The following GNAQ variants were observed in gnomAD, a reference collection of about 807,000 sequenced individuals.
GNAQ encodes the protein G protein subunit alpha q.
Under a neutral mutation model 43.9 loss-of-function variants are expected in GNAQ, and 8 were observed. That is an observed-to-expected ratio of 0.18 (90% CI 0.11 to 0.33). The LOEUF is 0.33. Among genes scored for constraint, GNAQ ranks in the 10% least tolerant of loss-of-function variants. The probability of loss-of-function intolerance (pLI) is 1.00; values close to 1 mark genes in which losing one functional copy is unlikely to be tolerated. For synonymous variants in GNAQ, 155 were observed against 170.7 expected, an observed-to-expected ratio of 0.91 and a Z score of 0.71; for missense variants, 158 against 450.8, an observed-to-expected ratio of 0.35 and a Z score of 5.88.
chr9:77,774,489 T>G (rs922658003), intron 5 of GNAQ, among the ~76,000 whole-genome samples: 4 of 152,196 alleles, frequency 2.6e-5, no homozygotes, highest in African/African-American at 9.7e-5. Flanking sequence ...AGAGACAGGT[T>G]CTTGCTCTGT....
chr9:77,831,448 T>C lies in GNAQ; in HGVS notation c.322-15678A>G, dbSNP rs148634843. On this transcript the variant is annotated intron_variant, in intron 2 of 6. Coordinates refer to ENST00000286548, the MANE Select transcript of GNAQ (RefSeq NM_002072.5). ...CAATTTAAAACCATCATTCATATCA[T>C]TGATAATGTGTTCTAGTATCTACGA... 4.1e-3 allele frequency among the ~76,000 whole-genome samples: 622 copies of C among 152,312 alleles called. 1 individual carries two copies. The highest frequency in any genetic ancestry group is 6.1e-3 in the Non-Finnish European group (413 of 68,020).
intron 4 of GNAQ, among the ~76,000 whole-genome samples, chr9:77,795,923 T>C (rs1278861906): frequency 6.6e-6 from 1 of 152,200 alleles, no homozygotes; most frequent in Non-Finnish European, 1.5e-5. Flanking sequence ...AAACAACATG[T>C]AATTGTAATC....
chr9:77,788,797 T>C (rs1440841265), intron 5 of GNAQ, among the ~76,000 whole-genome samples: 1 of 152,198 alleles, frequency 6.6e-6, no homozygotes, highest in Non-Finnish European at 1.5e-5. Context: ...TATAAGCCTA[T>C]CACACGCTTT....
intron 5 of GNAQ, among the ~76,000 whole-genome samples, chr9:77,792,094 TACAG>T (rs1826584195): frequency 6.6e-6 from 1 of 152,116 alleles, no homozygotes; most frequent in Non-Finnish European, 1.5e-5. Context: ...ACTTCCTAAT[TACAG>T]ACAGTGATAG....
At chr9:77,887,630 C>T (rs1828331227) in intron 2 of GNAQ, among the ~76,000 whole-genome samples, 1 of 152,146 alleles carries the variant, frequency 6.6e-6, no homozygotes, top group Admixed American at 6.5e-5. Flanking sequence ...GCAGTGCCTG[C>T]TTGTGATTCA....
At chr9:77,737,415 G>C (rs1439277026) in intron 5 of GNAQ, among the ~76,000 whole-genome samples, 1 of 152,220 alleles carries the variant, frequency 6.6e-6, no homozygotes, top group African/African-American at 2.4e-5. Context: ...TGGTGTAACA[G>C]GCATTCCTTC....
chr9:77,725,091 T>C (rs1825377788), intron 6 of GNAQ, among the ~76,000 whole-genome samples: 1 of 152,072 alleles, frequency 6.6e-6, no homozygotes. Flanking sequence ...CTTTTTTTTT[T>C]CTTTTTTATT....
intron 5 of GNAQ, among the ~76,000 whole-genome samples, chr9:77,732,114 T>C (rs918875731): frequency 1.3e-5 from 2 of 151,966 alleles, no homozygotes; most frequent in African/African-American, 4.8e-5. Context: ...TCAGTAAAAA[T>C]TGAAATCTAT....
intron 2 of GNAQ, among the ~76,000 whole-genome samples, chr9:77,898,446 T>C (rs538622570): frequency 1.3e-5 from 2 of 152,354 alleles, no homozygotes; most frequent in South Asian, 4.1e-4. Flanking sequence ...ACTGTAACAC[T>C]TACTGCACTG....
At chr9:77,838,726 T>A (rs1827435778) in intron 2 of GNAQ, among the ~76,000 whole-genome samples, 1 of 152,130 alleles carries the variant, frequency 6.6e-6, no homozygotes, top group Non-Finnish European at 1.5e-5. Flanking sequence ...CCACAAGAAT[T>A]TTTAAATTGA....
chr9:77,722,377 T>G (rs1490430264), intron 6 of GNAQ, among the ~76,000 whole-genome samples: 3 of 152,128 alleles, frequency 2.0e-5, no homozygotes, highest in Non-Finnish European at 4.4e-5. Context: ...TCTCAGGTGA[T>G]CCACCCGCCT....
intron 2 of GNAQ, among the ~76,000 whole-genome samples, chr9:77,821,731 G>A (rs1489652843): frequency 2.7e-5 from 4 of 146,802 alleles, no homozygotes; most frequent in African/African-American, 1.1e-4. Flanking sequence ...ATGGGTGTGT[G>A]TGTGTGTGTG....
chr9:77,890,283 A>C (rs1376202233), intron 2 of GNAQ, among the ~76,000 whole-genome samples: 1 of 152,238 alleles, frequency 6.6e-6, no homozygotes, highest in Non-Finnish European at 1.5e-5. Flanking sequence ...TTTGACTGAA[A>C]GACTTCATAA....
At chr9:77,829,832 A>C (rs1827267809) in intron 2 of GNAQ, among the ~76,000 whole-genome samples, 1 of 152,158 alleles carries the variant, frequency 6.6e-6, no homozygotes, top group Non-Finnish European at 1.5e-5. Flanking sequence ...GAAAGTGCTG[A>C]TCAGTGCTTC....
chr9:77,904,140 T>G (rs145474935), intron 2 of GNAQ, among the ~76,000 whole-genome samples: 267 of 152,186 alleles, frequency 1.8e-3, no homozygotes, highest in African/African-American at 5.9e-3. Context: ...AGAGCAAGTG[T>G]GTGGAAGATT....
chr9:77,949,908 G>A (rs2118376586), intron 1 of GNAQ, among the ~76,000 whole-genome samples: 1 of 152,046 alleles, frequency 6.6e-6, no homozygotes, highest in South Asian at 2.1e-4. Flanking sequence ...TTGAATCCTT[G>A]GAAGAAGCTA....
At chr9:77,758,407 A>C (rs942462812) in intron 5 of GNAQ, among the ~76,000 whole-genome samples, 2 of 152,256 alleles carry the variant, frequency 1.3e-5, no homozygotes, top group Admixed American at 6.5e-5. Flanking sequence ...AGTATTAATA[A>C]GAAAAACTAG....
At chr9:77,957,669 G>A (rs969653262) in intron 1 of GNAQ, among the ~76,000 whole-genome samples, 3 of 152,162 alleles carry the variant, frequency 2.0e-5, no homozygotes, top group Non-Finnish European at 4.4e-5. Flanking sequence ...AGCTGAAGGA[G>A]GAGGCTACAG....
At chr9:77,880,359 T>C (rs1477782919) in intron 2 of GNAQ, among the ~76,000 whole-genome samples, 2 of 152,138 alleles carry the variant, frequency 1.3e-5, no homozygotes, top group African/African-American at 2.4e-5. Flanking sequence ...AGTCAAGATA[T>C]CTTGGTGGAC....
Sources: gnomAD v4.1 joint callset for allele counts (sites outside exome capture counted in the v4.1 genomes callset) on GRCh38, gnomAD v4.1.1 for gene constraint, MANE v1.5 for transcripts, NCBI Gene and HGNC (gene_info 2026-07-23, HGNC 2026-07-21) for gene names.